PACRG: variants seen among roughly 807,000 people sequenced by gnomAD.
PACRG encodes the protein parkin coregulated.
Under a neutral mutation model 29.7 loss-of-function variants are expected in PACRG, and 29 were observed. That is an observed-to-expected ratio of 0.98 (90% confidence interval 0.73 to 1.33). The LOEUF (loss-of-function observed/expected upper bound fraction) is 1.33. Among genes scored for constraint, PACRG ranks in the 40% most tolerant of loss-of-function variants. The pLI, the probability that PACRG is intolerant of heterozygous loss-of-function variation, is 0.00. For synonymous variants in PACRG, 116 were observed against 118.7 expected (o/e 0.98, Z 0.15); for missense variants, 279 against 316.2 (o/e 0.88, Z 0.89).
At chr6:162,977,882 G>A (rs1423584230) in intron 2 of PACRG, among the ~76,000 whole-genome samples, 3 of 152,116 alleles carry the variant, frequency 2.0e-5, no homozygotes, top group Non-Finnish European at 2.9e-5. Context: ...AGTGGCTCAC[G>A]TCTGTAATCC....
intron 2 of PACRG, among the ~76,000 whole-genome samples, chr6:162,968,565 T>A (rs1202954658): frequency 1.3e-5 from 2 of 152,220 alleles, no homozygotes; most frequent in Non-Finnish European, 2.9e-5. Context: ...ATTTCTGAGT[T>A]AACTTCCTGC....
At chr6:162,727,894 C>T (rs1562533514), upstream of PACRG, 4 of 595,840 alleles carry the variant, frequency 6.7e-6, no homozygotes, top group Non-Finnish European at 1.2e-5. Context: ...CAGCCCCCCA[C>T]CGCCGCCCTT....
intron 4 of PACRG, among the ~76,000 whole-genome samples, chr6:163,228,078 A>G (rs1781875722): frequency 6.6e-6 from 1 of 152,222 alleles, no homozygotes; most frequent in Non-Finnish European, 1.5e-5. Flanking sequence ...TTGTTTTTAA[A>G]TATACAGAGA....
At chr6:162,727,629 CAG>C (rs1779346581), upstream of PACRG, 4 of 1,579,108 alleles carry the variant, frequency 2.5e-6, no homozygotes, top group Non-Finnish European at 3.4e-6. Flanking sequence ...TGGGGCGGCG[CAG>C]AGAGGCTGTA....
chr6:162,952,665 G>A (rs895517942), intron 2 of PACRG, among the ~76,000 whole-genome samples: 15 of 152,162 alleles, frequency 9.9e-5, no homozygotes, highest in African/African-American at 2.4e-4. Flanking sequence ...ACACTAAATT[G>A]TATCACATCT....
At chr6:162,973,565 G>T (rs2128162283) in intron 2 of PACRG, among the ~76,000 whole-genome samples, 1 of 152,308 alleles carries the variant, frequency 6.6e-6, no homozygotes, top group African/African-American at 2.4e-5. Flanking sequence ...TGTCTTTAAA[G>T]TTCTAAGTCT....
intron 2 of PACRG, among the ~76,000 whole-genome samples, chr6:162,850,866 G>C (rs577331451): frequency 5.3e-5 from 8 of 152,328 alleles, no homozygotes; most frequent in African/African-American, 1.9e-4. Flanking sequence ...TCTGGAGGCC[G>C]AGACTTGCAA....
intron 2 of PACRG, among the ~76,000 whole-genome samples, chr6:163,000,085 G>A (rs1804442997): frequency 6.6e-6 from 1 of 152,130 alleles, no homozygotes; most frequent in African/African-American, 2.4e-5. Flanking sequence ...AGATTAGTCT[G>A]ATCATTAAGA....
chr6:163,106,719 G>A (rs1210484745), intron 4 of PACRG, among the ~76,000 whole-genome samples: 2 of 152,218 alleles, frequency 1.3e-5, no homozygotes, highest in African/African-American at 4.8e-5. Context: ...ACATGATGAT[G>A]TAGATAGCTT....
At chr6:163,292,204 A>G (rs746735310) in intron 4 of PACRG, among the ~76,000 whole-genome samples, 1 of 152,146 alleles carries the variant, frequency 6.6e-6, no homozygotes, top group Non-Finnish European at 1.5e-5. Context: ...ACCGACCTCG[A>G]CAGTCGAGGG....
intron 2 of PACRG, among the ~76,000 whole-genome samples, chr6:162,830,611 T>A: frequency 6.6e-6 from 1 of 152,250 alleles, no homozygotes; most frequent in Admixed American, 6.5e-5. Flanking sequence ...AGACATTTTG[T>A]CTGTGGCTCT....
chr6:163,195,179 G>C (rs999773376), intron 4 of PACRG, among the ~76,000 whole-genome samples: 2 of 152,224 alleles, frequency 1.3e-5, no homozygotes, highest in Admixed American at 6.5e-5. Flanking sequence ...AGAAAGCATC[G>C]GGGATGCCTT....
At chr6:162,874,963 TCACA>T (rs1187531615) in intron 2 of PACRG, among the ~76,000 whole-genome samples, 1 of 151,208 alleles carries the variant, frequency 6.6e-6, no homozygotes, top group Non-Finnish European at 1.5e-5. Context: ...ATGCCTCCGG[TCACA>T]CACATTTACA....
chr6:163,116,912 G>A (rs1396515196), intron 4 of PACRG, among the ~76,000 whole-genome samples: 1 of 152,100 alleles, frequency 6.6e-6, no homozygotes, highest in Non-Finnish European at 1.5e-5. Context: ...GTGGTGAGTC[G>A]GAGGTGCTGC....
At chr6:162,930,716 A>T (rs1797789581) in intron 2 of PACRG, among the ~76,000 whole-genome samples, 1 of 151,928 alleles carries the variant, frequency 6.6e-6, no homozygotes, top group Admixed American at 6.6e-5. Context: ...GTATTATATT[A>T]GCTGTGAGTC....
chr6:163,113,096 G>A (rs919727811), intron 4 of PACRG, among the ~76,000 whole-genome samples: 10 of 152,042 alleles, frequency 6.6e-5, no homozygotes, highest in African/African-American at 9.7e-5. Flanking sequence ...TAAAAAGGAC[G>A]GTAACTGAGA....
chr6:163,166,328 G>T (rs1585285921), intron 4 of PACRG: 8 of 404,184 alleles, frequency 2.0e-5, no homozygotes, highest in East Asian at 1.5e-4. Context: ...AGCAGTGAAA[G>T]AATTATTTTG....
intron 4 of PACRG, among the ~76,000 whole-genome samples, chr6:163,143,395 A>G (rs1246045942): frequency 3.9e-5 from 6 of 152,192 alleles, no homozygotes; most frequent in African/African-American, 1.4e-4. Context: ...CACACGTTGT[A>G]GTGAGGATTA....
At chr6:162,956,649 T>C (rs1800061857) in intron 2 of PACRG, among the ~76,000 whole-genome samples, 4 of 152,174 alleles carry the variant, frequency 2.6e-5, no homozygotes, top group Admixed American at 2.6e-4. Flanking sequence ...GTCCTTGGCT[T>C]GGGGCAGCAT....
Sources: gnomAD v4.1 joint callset for allele counts (sites outside exome capture counted in the v4.1 genomes callset) on GRCh38, gnomAD v4.1.1 for gene constraint, MANE v1.5 for transcripts, NCBI Gene and HGNC (gene_info 2026-07-23, HGNC 2026-07-21) for gene names.